CACHD1: variants seen among roughly 807,000 people sequenced by gnomAD.
CACHD1 encodes the protein VWFA and cache domain-containing protein 1.
A neutral mutation model predicts 138.7 loss-of-function variants in CACHD1; 71 were observed. That is an observed-to-expected ratio of 0.51 (90% CI 0.42 to 0.62). The LOEUF (loss-of-function observed/expected upper bound fraction) is 0.62, where lower values mean the gene tolerates loss of function less well. Ranked by LOEUF, CACHD1 falls within the 20% of genes least tolerant of loss-of-function variation. The pLI, the probability that CACHD1 is intolerant of heterozygous loss-of-function variation, is 0.00. For synonymous variants in CACHD1, 578 were observed against 591.5 expected, an observed-to-expected ratio of 0.98 and a Z score of 0.33; for missense variants, 1,389 against 1,625.3, an observed-to-expected ratio of 0.85 and a Z score of 2.50.
In CACHD1 at chr1:64,675,709, C is replaced by T. The variant is rs186912508; in HGVS notation, c.2888+148C>T. 718 of 1,006,978 alleles carry T rather than the reference C, an allele frequency of 7.1e-4. 8 individuals carry two copies. The Admixed American group carries it at 0.015, about 21-fold the overall frequency. 62.4% of individuals were successfully genotyped at this position (1,006,978 alleles called of 1,614,324 possible). A position where few individuals can be genotyped will look rare whatever the true frequency, so the allele number is the denominator to read the frequency against. On this transcript the variant is annotated intron_variant, in intron 20 of 26. Coordinates refer to ENST00000651257, the MANE Select transcript of CACHD1 (RefSeq NM_020925.4). ...GTTACAAAGCCACTTAGAGCTGTGC[C>T]GTTTGCAGCATCCTTGTCCAAAGAA... is the stretch of plus-strand genomic sequence containing the variant.
chr1:64,661,613 T>C (rs1649442874), intron 13 of CACHD1, among the ~76,000 whole-genome samples: 1 of 152,162 alleles, frequency 6.6e-6, no homozygotes, highest in Non-Finnish European at 1.5e-5. Flanking sequence ...TCCTTGTCAC[T>C]CCAATCAGAT....
At chr1:64,607,463 G>A (rs1037106293) in intron 4 of CACHD1, among the ~76,000 whole-genome samples, 4 of 152,180 alleles carry the variant, frequency 2.6e-5, no homozygotes, top group African/African-American at 9.7e-5. Context: ...TCTGGAGAAC[G>A]GAGGAGAGGA....
chr1:64,557,652 T>G (rs1421108887), intron 2 of CACHD1, among the ~76,000 whole-genome samples: 1 of 152,116 alleles, frequency 6.6e-6, no homozygotes, highest in Admixed American at 6.5e-5. Flanking sequence ...CAAAAGACCC[T>G]TTTCTTGACC....
chr1:64,615,187 C>T (rs1408977273), intron 4 of CACHD1, among the ~76,000 whole-genome samples: 1 of 152,206 alleles, frequency 6.6e-6, no homozygotes, highest in Non-Finnish European at 1.5e-5. Flanking sequence ...CCTAAGGATC[C>T]AGCTTCCTTG....
chr1:64,508,622 G>C (rs1472182897), intron 1 of CACHD1, among the ~76,000 whole-genome samples: 1 of 152,170 alleles, frequency 6.6e-6, no homozygotes, highest in East Asian at 1.9e-4. Flanking sequence ...TTCAGTGATT[G>C]ACATTAAACA....
At chr1:64,493,195 A>AT (rs1298833144) in intron 1 of CACHD1, among the ~76,000 whole-genome samples, 5 of 152,216 alleles carry the variant, frequency 3.3e-5, no homozygotes, top group Non-Finnish European at 5.9e-5. Context: ...TGAGTGAAAG[A>AT]TTTTTTATTT....
At chr1:64,684,934 CAAG>C (rs1434099659) in intron 26 of CACHD1, among the ~76,000 whole-genome samples, 2 of 152,166 alleles carry the variant, frequency 1.3e-5, no homozygotes. Flanking sequence ...TTCAGCCTCC[CAAG>C]TAACTGGGAT....
At chr1:64,493,021 A>G (rs1646287395) in intron 1 of CACHD1, among the ~76,000 whole-genome samples, 2 of 152,218 alleles carry the variant, frequency 1.3e-5, no homozygotes, top group South Asian at 4.1e-4. Flanking sequence ...ATGAATTTGG[A>G]AGGAAAGACT....
intron 9 of CACHD1, 90 bp from the exon 10 acceptor site, chr1:64,652,071 A>C: frequency 8.6e-7 from 1 of 1,157,408 alleles, no homozygotes; most frequent in South Asian, 1.7e-5. Context: ...CAGCTGATAG[A>C]AGCCTTCATG....
At chr1:64,689,821 C>A (rs966299819) in intron 26 of CACHD1, among the ~76,000 whole-genome samples, 1 of 152,188 alleles carries the variant, frequency 6.6e-6, no homozygotes, top group African/African-American at 2.4e-5. Flanking sequence ...TTAAGCCCAA[C>A]TAAAATATAC....
intron 1 of CACHD1, among the ~76,000 whole-genome samples, chr1:64,511,381 T>C (rs1646419606): frequency 6.6e-6 from 1 of 152,124 alleles, no homozygotes; most frequent in Non-Finnish European, 1.5e-5. Context: ...CATTATAGCA[T>C]GCTAGGATCA....
chr1:64,623,391 G>A (rs1246449829), intron 4 of CACHD1, among the ~76,000 whole-genome samples: 7 of 144,424 alleles, frequency 4.8e-5, no homozygotes, highest in Admixed American at 4.7e-4. Context: ...AACAGAGTGA[G>A]ATTCTGCCTC....
intron 8 of CACHD1, 131 bp from the exon 9 acceptor site, chr1:64,647,670 T>C (rs1422125880): frequency 4.4e-6 from 3 of 677,882 alleles, no homozygotes; most frequent in Non-Finnish European, 5.1e-6. Context: ...CCAGAGTCTA[T>C]GTGGTCTCTG....
At chr1:64,589,427 A>G (rs1173667133) in intron 3 of CACHD1, among the ~76,000 whole-genome samples, 1 of 152,098 alleles carries the variant, frequency 6.6e-6, no homozygotes, top group African/African-American at 2.4e-5. Flanking sequence ...TAGCACCGTT[A>G]TAACCTTGTG....
At chr1:64,625,780 A>G (rs962870876) in intron 4 of CACHD1, among the ~76,000 whole-genome samples, 1 of 152,128 alleles carries the variant, frequency 6.6e-6, no homozygotes, top group South Asian at 2.1e-4. Context: ...AATAAAAAAA[A>G]ATTTTTTAAA....
At chr1:64,548,274 C>T (rs1646732932) in intron 1 of CACHD1, among the ~76,000 whole-genome samples, 1 of 152,160 alleles carries the variant, frequency 6.6e-6, no homozygotes, top group Admixed American at 6.6e-5. Context: ...CTGGTGGAAG[C>T]ATTTGCCAAG....
At chr1:64,499,844 T>C (rs1176366576) in intron 1 of CACHD1, among the ~76,000 whole-genome samples, 1 of 152,214 alleles carries the variant, frequency 6.6e-6, no homozygotes, top group South Asian at 2.1e-4. Flanking sequence ...AAAATTATAG[T>C]GGGTGTTCTT....
intron 4 of CACHD1, among the ~76,000 whole-genome samples, chr1:64,620,975 A>C (rs1647893768): frequency 6.6e-6 from 1 of 152,120 alleles, no homozygotes; most frequent in South Asian, 2.1e-4. Context: ...CTTTAGTGGG[A>C]CCAAATTCAC....
intron 19 of CACHD1, among the ~76,000 whole-genome samples, chr1:64,674,418 T>G (rs779145419): frequency 3.9e-5 from 6 of 152,216 alleles, no homozygotes; most frequent in Non-Finnish European, 7.3e-5. Flanking sequence ...CAATGATTTC[T>G]GGAGTCTTCA....
Sources: gnomAD v4.1 joint callset for allele counts (sites outside exome capture counted in the v4.1 genomes callset) on GRCh38, gnomAD v4.1.1 for gene constraint, MANE v1.5 for transcripts, NCBI Gene and HGNC (gene_info 2026-07-23, HGNC 2026-07-21) for gene names.